COL11A1: variants seen among roughly 807,000 people sequenced by gnomAD.
The protein encoded by COL11A1 is collagen alpha-1(XI) chain.
In COL11A1, 74 loss-of-function variants were observed where a neutral mutation model predicts 265.2. The ratio of observed to expected loss-of-function variants is 0.28; its 90% CI spans 0.23 to 0.34. The LOEUF is 0.34. Ranked by LOEUF, COL11A1 falls within the 10% of genes least tolerant of loss-of-function variation. The pLI is 1.00. For missense variants in COL11A1, 2,165 were observed against 2,263.6 expected (o/e 0.96, Z 0.88); for synonymous variants, 816 against 727.6 (o/e 1.12, Z -1.96).
At chr1:103,090,411 T>C (rs1673226331) in intron 1 of COL11A1, among the ~76,000 whole-genome samples, 1 of 152,174 alleles carries the variant, frequency 6.6e-6, no homozygotes, top group Non-Finnish European at 1.5e-5. Flanking sequence ...GATAGAAAAT[T>C]GATTATTTCT....
chr1:103,047,131 C>T (rs12127576), intron 4 of COL11A1, among the ~76,000 whole-genome samples: 20,920 of 152,048 alleles, frequency 0.14, 1,543 homozygotes, highest in African/African-American at 0.15. Flanking sequence ...AGTTTTCTTC[C>T]AATTCTGTGT....
chr1:103,000,040 G>A (rs12733933), intron 24 of COL11A1, among the ~76,000 whole-genome samples: 5,497 of 151,676 alleles, frequency 0.036, 135 homozygotes, highest in Middle Eastern at 0.092. Context: ...TCTTACCACC[G>A]GAAATGCAGT....
chr1:102,878,658 G>A (rs981841458), intron 66 of COL11A1, among the ~76,000 whole-genome samples: 6 of 150,732 alleles, frequency 4.0e-5, no homozygotes, highest in East Asian at 2.0e-4. Flanking sequence ...CTACTGGCAT[G>A]TGCCACCATG....
chr1:102,936,536 A>G (rs1658168061), intron 44 of COL11A1, among the ~76,000 whole-genome samples: 1 of 152,180 alleles, frequency 6.6e-6, no homozygotes, highest in Admixed American at 6.5e-5. Context: ...TTCAAACTTT[A>G]AAGCAAAAAT....
intron 42 of COL11A1, among the ~76,000 whole-genome samples, chr1:102,940,762 C>G (rs1160588446): frequency 6.6e-6 from 1 of 152,092 alleles, no homozygotes; most frequent in African/African-American, 2.4e-5. Context: ...TTCCTTAGTG[C>G]CACTGGCATA....
chr1:103,017,726 A>G (rs1666678276), intron 11 of COL11A1, 94 bp downstream of exon 11: 4 of 1,075,360 alleles, frequency 3.7e-6, no homozygotes, highest in Non-Finnish European at 5.8e-6. Flanking sequence ...TCCCACACGC[A>G]GTAAGATAAC....
intron 8 of COL11A1, among the ~76,000 whole-genome samples, chr1:103,022,277 G>C (rs1001968879): frequency 1.3e-5 from 2 of 151,934 alleles, no homozygotes; most frequent in Admixed American, 1.3e-4. Flanking sequence ...TAAAAGAGAG[G>C]CATAAGAAGC....
At chr1:103,070,803 A>G (rs1671524644) in intron 4 of COL11A1, among the ~76,000 whole-genome samples, 2 of 151,992 alleles carry the variant, frequency 1.3e-5, no homozygotes, top group South Asian at 4.1e-4. Context: ...TCTCCATCTT[A>G]TAACATTGTT....
intron 46 of COL11A1, among the ~76,000 whole-genome samples, chr1:102,928,815 T>C (rs554337127): frequency 7.0e-6 from 1 of 142,542 alleles, no homozygotes; most frequent in Non-Finnish European, 1.5e-5. Flanking sequence ...TATCTCATTG[T>C]GGTTTTGATT....
At chr1:103,009,167 A>G (rs1463431966) in intron 14 of COL11A1, among the ~76,000 whole-genome samples, 1 of 152,152 alleles carries the variant, frequency 6.6e-6, no homozygotes, top group Non-Finnish European at 1.5e-5. Flanking sequence ...TAATCCCAGC[A>G]CTTTGGGAGG....
Position 103,093,983 on chromosome 1 carries a change from T to C in COL11A1, c.107-11011A>G, listed in dbSNP as rs76141895. The stretch of plus-strand genomic sequence containing the variant: ...AAGGGTTACACCATTGAAGATGTCA[T>C]CATTGTTACAGAGAAAGCCTTGAAA... On this transcript the variant is annotated intron_variant, in intron 1 of 66. Coordinates refer to ENST00000370096, the MANE Select transcript of COL11A1 (RefSeq NM_001854.4). Among the ~76,000 whole-genome samples, 9 of 152,220 alleles carry C rather than the reference T, an allele frequency of 5.9e-5. No individual in the cohort carries two copies. The East Asian group carries it at 1.7e-3, about 29-fold the overall frequency.
At chr1:102,936,686 A>C (rs1658183052) in intron 44 of COL11A1, among the ~76,000 whole-genome samples, 9 of 152,216 alleles carry the variant, frequency 5.9e-5, no homozygotes, top group Admixed American at 5.9e-4. Flanking sequence ...ATAATTTCCA[A>C]ATTATCAATG....
rs781034637 is a variant in COL11A1 at position 102,998,364 on chromosome 1, C to T, written c.2143-1G>A. The T allele has an allele frequency of 6.4e-7, 1 of 1,571,870 alleles. No homozygotes were observed. Among genetic ancestry groups the T allele is most frequent in the Non-Finnish European group, 8.6e-7 (1 of 1,161,148 alleles). ...CAAGTCCTGGTTTTCCTTGTGGTCCCTTATAGAGAAAAAAAAAATATTAAA... is the reference window on the plus strand; with the variant it reads ...CAAGTCCTGGTTTTCCTTGTGGTCCTTTATAGAGAAAAAAAAAATATTAAA... On this transcript the variant is annotated splice_acceptor_variant, in intron 24 of 66. Coordinates refer to ENST00000370096, the MANE Select transcript of COL11A1 (RefSeq NM_001854.4). LOFTEE classifies it high-confidence loss of function.
chr1:102,916,782 A>G (rs369072183), intron 49 of COL11A1, among the ~76,000 whole-genome samples: 1 of 151,936 alleles, frequency 6.6e-6, no homozygotes, highest in Non-Finnish European at 1.5e-5. Flanking sequence ...TCATCTCTCA[A>G]GATGAACAGC....
At chr1:102,913,210 G>GT (rs139672818) in intron 53 of COL11A1, among the ~76,000 whole-genome samples, 4 of 151,836 alleles carry the variant, frequency 2.6e-5, no homozygotes, top group Non-Finnish European at 4.4e-5. Context: ...TCATTCACAA[G>GT]TTTTTTTTAA....
At chr1:103,033,831 T>C (rs773820234) in intron 4 of COL11A1, among the ~76,000 whole-genome samples, 19 of 152,132 alleles carry the variant, frequency 1.2e-4, no homozygotes, top group Non-Finnish European at 2.5e-4. Context: ...TGGTGTCTTA[T>C]TATGTTGCCC....
intron 7 of COL11A1, among the ~76,000 whole-genome samples, chr1:103,023,621 TG>T (rs1667283301): frequency 6.6e-6 from 1 of 152,142 alleles, no homozygotes; most frequent in Admixed American, 6.5e-5. Flanking sequence ...TCTCCCAAAG[TG>T]TTGGGATTAC....
At chr1:102,954,855 A>C (rs1397258137) in intron 41 of COL11A1, among the ~76,000 whole-genome samples, 7 of 152,058 alleles carry the variant, frequency 4.6e-5, no homozygotes, top group Non-Finnish European at 8.8e-5. Context: ...GAAATAAAAA[A>C]AAAAAAAAAA....
chr1:102,960,203 T>C (rs2101555606), intron 41 of COL11A1, among the ~76,000 whole-genome samples: 1 of 152,270 alleles, frequency 6.6e-6, no homozygotes, highest in African/African-American at 2.4e-5. Flanking sequence ...GGTTGTTATA[T>C]GATGTGAGTG....
Sources: gnomAD v4.1 joint callset for allele counts (sites outside exome capture counted in the v4.1 genomes callset) on GRCh38, gnomAD v4.1.1 for gene constraint, MANE v1.5 for transcripts, NCBI Gene and HGNC (gene_info 2026-07-23, HGNC 2026-07-21) for gene names.